Variants in GHR observed in about 807,000 individuals in gnomAD.
The protein encoded by GHR is GH receptor.
Under a neutral mutation model 67.1 loss-of-function variants are expected in GHR, and 35 were observed. That is an observed-to-expected ratio of 0.52 (90% CI 0.40 to 0.69). The LOEUF (loss-of-function observed/expected upper bound fraction) is 0.69, where lower values mean the gene tolerates loss of function less well. GHR is among the 30% of genes least tolerant of loss of function. The probability of loss-of-function intolerance (pLI) is 0.00; values close to 1 mark genes in which losing one functional copy is unlikely to be tolerated. For synonymous variants in GHR, 272 were observed against 269.1 expected, an observed-to-expected ratio of 1.01 and a Z score of -0.10; for missense variants, 792 against 764.6, an observed-to-expected ratio of 1.04 and a Z score of -0.42.
At chr5:42,690,050 T>C (rs543563807) in intron 4 of GHR, among the ~76,000 whole-genome samples, 2 of 152,332 alleles carry the variant, frequency 1.3e-5, no homozygotes, top group African/African-American at 4.8e-5. Flanking sequence ...TTTCCCTTTT[T>C]TACATTTTAG....
At chr5:42,469,984 G>A (rs1456615273) in intron 1 of GHR, among the ~76,000 whole-genome samples, 11 of 151,172 alleles carry the variant, frequency 7.3e-5, no homozygotes, top group Admixed American at 7.3e-4. Flanking sequence ...TGGGGTAAGA[G>A]TGGGGAGAAA....
chr5:42,626,764 G>A lies in GHR; in HGVS notation c.71-2274G>A, dbSNP rs192176251. 8.1e-4 allele frequency among the ~76,000 whole-genome samples: 124 copies of A among 152,264 alleles called. 1 individual carries two copies. The highest frequency in any genetic ancestry group is 3.0e-3 in the African/African-American group (123 of 41,548). ...AACTGTGTCAAGAAACGGAGACAAG[G>A]TCAAATATGTATTTCACAATATCAC... On this transcript the variant is annotated intron_variant, in intron 2 of 9. Coordinates refer to ENST00000230882, the MANE Select transcript of GHR (RefSeq NM_000163.5).
At chr5:42,445,483 A>G (rs1349267768) in intron 1 of GHR, among the ~76,000 whole-genome samples, 1 of 152,206 alleles carries the variant, frequency 6.6e-6, no homozygotes, top group African/African-American at 2.4e-5. Flanking sequence ...ACTCTAAAAG[A>G]ATAGTCTGAG....
chr5:42,689,592 G>A (rs939200201), intron 4 of GHR, among the ~76,000 whole-genome samples: 1 of 152,148 alleles, frequency 6.6e-6, no homozygotes, highest in African/African-American at 2.4e-5. Context: ...GGCTATGCAG[G>A]CAGAGGAAAT....
chr5:42,435,832 G>A (rs753998121), intron 1 of GHR, among the ~76,000 whole-genome samples: 8 of 152,054 alleles, frequency 5.3e-5, no homozygotes, highest in African/African-American at 1.4e-4. Context: ...TAAACTTACC[G>A]GCCTTTGTAA....
chr5:42,571,402 T>TGGACA (rs1329674628), intron 2 of GHR, among the ~76,000 whole-genome samples: 1 of 152,214 alleles, frequency 6.6e-6, no homozygotes, highest in Non-Finnish European at 1.5e-5. Context: ...TTGTAGTCTC[T>TGGACA]GGACATGTGT....
Position 42,591,172 on chromosome 5 carries a change from G to C in GHR, c.70+25228G>C, listed in dbSNP as rs1751754379. ...AGTTTAAGCGGTTTTGGCAGCCGAG[G>C]AAACAGCTGTGACATTGTCAAGGGT... On this transcript the variant is annotated intron_variant, in intron 2 of 9. Transcript: ENST00000230882. Among the ~76,000 whole-genome samples the C allele has an allele frequency of 1.3e-5, 2 of 152,214 alleles. 1 individual carries two copies. Among genetic ancestry groups the C allele is most frequent in the Non-Finnish European group, 2.9e-5 (2 of 68,032 alleles).
Position 42,539,542 on chromosome 5 carries a change from A to G in GHR, c.-11-26322A>G, listed in dbSNP as rs533423853. On this transcript the variant is annotated intron_variant, in intron 1 of 9. Transcript: ENST00000230882. ...TGAACCATCTATGGGTCTCTCAGCC[A>G]TGGATACCAGCACAGTATTTGGGGT... Among the ~76,000 whole-genome samples, 20 of 152,338 alleles carry G rather than the reference A, an allele frequency of 1.3e-4. 2 individuals carry two copies. The South Asian group carries it at 3.5e-3, about 27-fold the overall frequency.
At chr5:42,681,870 A>G (rs1756897017) in intron 3 of GHR, among the ~76,000 whole-genome samples, 1 of 140,572 alleles carries the variant, frequency 7.1e-6, no homozygotes, top group Non-Finnish European at 1.5e-5. Flanking sequence ...CGGGAGGCGG[A>G]GCTTGCAGTG....
In GHR at chr5:42,629,224, A is replaced by C; in HGVS notation, c.136+121A>C. The C allele has an allele frequency of 3.1e-6, 2 of 652,094 alleles. 1 individual carries two copies. The allele number at this position is 652,094 out of a possible 1,614,324, so 40.4% of individuals were successfully genotyped here. On this transcript the variant is annotated intron_variant, in intron 3 of 9. Transcript: ENST00000230882. ...GTAACTGGAATAGTGACTGAGTTGA[A>C]ATTTTATAGGCAAGCAAAACATTTT... is the stretch of plus-strand genomic sequence containing the variant.
chr5:42,510,154 T>A (rs1446701713), intron 1 of GHR, among the ~76,000 whole-genome samples: 1 of 152,192 alleles, frequency 6.6e-6, no homozygotes, highest in Non-Finnish European at 1.5e-5. Flanking sequence ...CCTTGACTCC[T>A]TTCTTTCTCT....
intron 1 of GHR, among the ~76,000 whole-genome samples, chr5:42,512,403 G>A (rs1354002933): frequency 1.3e-5 from 2 of 152,134 alleles, no homozygotes; most frequent in South Asian, 4.1e-4. Flanking sequence ...AGCAGTAGGT[G>A]TATATGCCAT....
At chr5:42,680,867 T>C (rs768503611) in intron 3 of GHR, among the ~76,000 whole-genome samples, 34 of 151,810 alleles carry the variant, frequency 2.2e-4, no homozygotes, top group Non-Finnish European at 4.4e-4. Context: ...TTTTTTATTA[T>C]ACTTTGTTCT....
chr5:42,465,909 G>C, intron 1 of GHR: 1 of 708,816 alleles, frequency 1.4e-6, no homozygotes, highest in Non-Finnish European at 2.6e-6. Flanking sequence ...TCAAGTCTTC[G>C]TTCACAAGGT....
intron 1 of GHR, among the ~76,000 whole-genome samples, chr5:42,521,084 G>C (rs1285947815): frequency 6.6e-6 from 1 of 152,186 alleles, no homozygotes; most frequent in Non-Finnish European, 1.5e-5. Flanking sequence ...GCTCTTGAAA[G>C]TGTACGTGTG....
intron 1 of GHR, among the ~76,000 whole-genome samples, chr5:42,457,351 A>C (rs1355480547): frequency 6.6e-6 from 1 of 152,224 alleles, no homozygotes; most frequent in Non-Finnish European, 1.5e-5. Flanking sequence ...TAAATTTTAA[A>C]AAGTCACACT....
chr5:42,471,932 G>A (rs1745029354), intron 1 of GHR, among the ~76,000 whole-genome samples: 2 of 152,196 alleles, frequency 1.3e-5, no homozygotes, highest in South Asian at 4.1e-4. Context: ...TTAAAGACAG[G>A]ATGGGAGAGA....
intron 2 of GHR, among the ~76,000 whole-genome samples, chr5:42,569,899 C>T (rs938192529): frequency 1.3e-5 from 2 of 152,138 alleles, no homozygotes; most frequent in African/African-American, 4.8e-5. Flanking sequence ...TGAGATGCCA[C>T]ATCCTAAGGG....
At chr5:42,659,671 C>T (rs530101266) in intron 3 of GHR, among the ~76,000 whole-genome samples, 4 of 152,308 alleles carry the variant, frequency 2.6e-5, no homozygotes, top group Admixed American at 1.3e-4. Flanking sequence ...CAGCTCCCAG[C>T]GTGAGCGACA....
Sources: gnomAD v4.1 joint callset for allele counts (sites outside exome capture counted in the v4.1 genomes callset) on GRCh38, gnomAD v4.1.1 for gene constraint, MANE v1.5 for transcripts, NCBI Gene and HGNC (gene_info 2026-07-23, HGNC 2026-07-21) for gene names.